STXBP5L: variants seen among roughly 807,000 people sequenced by gnomAD.
The protein encoded by STXBP5L is syntaxin binding protein 5L.
Under a neutral mutation model 144.5 loss-of-function variants are expected in STXBP5L, and 65 were observed. The observed-to-expected ratio is 0.45, with a 90% confidence interval of 0.37 to 0.55. STXBP5L has a LOEUF of 0.55. STXBP5L is among the 20% of genes least tolerant of loss of function. The pLI, the probability that STXBP5L is intolerant of heterozygous loss-of-function variation, is 0.00. For missense variants in STXBP5L, 1,298 were observed against 1,405.5 expected, an observed-to-expected ratio of 0.92 and a Z score of 1.22; for synonymous variants, 505 against 469.6, an observed-to-expected ratio of 1.08 and a Z score of -0.97.
At chr3:120,983,485 C>A (rs1251642776) in intron 3 of STXBP5L, among the ~76,000 whole-genome samples, 3 of 151,734 alleles carry the variant, frequency 2.0e-5, no homozygotes, top group African/African-American at 7.3e-5. Flanking sequence ...GATGGCAGAC[C>A]CAGGGTAACA....
At chr3:121,326,365 C>G (rs996863501) in intron 20 of STXBP5L, among the ~76,000 whole-genome samples, 11 of 151,864 alleles carry the variant, frequency 7.2e-5, no homozygotes, top group African/African-American at 2.7e-4. Flanking sequence ...TTGTTTTTAA[C>G]TTTGTCTCTA....
chr3:121,091,976 T>G (rs2042828004), intron 5 of STXBP5L, among the ~76,000 whole-genome samples: 1 of 152,134 alleles, frequency 6.6e-6, no homozygotes, highest in Admixed American at 6.6e-5. Flanking sequence ...AGGGATCCAG[T>G]TTCAGCTTTC....
chr3:121,409,521 G>A (rs1010322151), intron 23 of STXBP5L, among the ~76,000 whole-genome samples: 1 of 151,870 alleles, frequency 6.6e-6, no homozygotes, highest in Admixed American at 6.6e-5. Flanking sequence ...AGAGGCAGTG[G>A]TATAGATCAG....
At chr3:121,393,085 CAA>C (rs1383701879) in intron 22 of STXBP5L, among the ~76,000 whole-genome samples, 1 of 151,828 alleles carries the variant, frequency 6.6e-6, no homozygotes. Flanking sequence ...GCATCTTTGC[CAA>C]AGTCTATTTT....
intron 3 of STXBP5L, among the ~76,000 whole-genome samples, chr3:121,015,743 A>G (rs952934543): frequency 6.6e-6 from 1 of 152,174 alleles, no homozygotes; most frequent in Non-Finnish European, 1.5e-5. Flanking sequence ...TTTCCTGGAA[A>G]AAAGGCTTTA....
At chr3:121,050,321 A>G (rs937330378) in intron 5 of STXBP5L, among the ~76,000 whole-genome samples, 4 of 152,190 alleles carry the variant, frequency 2.6e-5, no homozygotes, top group Admixed American at 2.6e-4. Flanking sequence ...CTTTAGTCCT[A>G]ATTCTGGTTA....
chr3:121,215,745 G>A (rs1265523815), intron 10 of STXBP5L, among the ~76,000 whole-genome samples: 1 of 152,082 alleles, frequency 6.6e-6, no homozygotes, highest in African/African-American at 2.4e-5. Flanking sequence ...TTGAATGTTG[G>A]CTTGTCTTGC....
chr3:120,967,978 T>C (rs1939799776), intron 3 of STXBP5L, among the ~76,000 whole-genome samples: 1 of 152,238 alleles, frequency 6.6e-6, no homozygotes, highest in South Asian at 2.1e-4. Flanking sequence ...TTTAATAGTT[T>C]TGACTTCTAA....
chr3:121,389,256 T>TG, intron 22 of STXBP5L, among the ~76,000 whole-genome samples: 1 of 152,326 alleles, frequency 6.6e-6, no homozygotes, highest in African/African-American at 2.4e-5. Context: ...TCATTTTTAT[T>TG]GCGTCTACTT....
Position 120,998,529 on chromosome 3 carries a change from C to T in STXBP5L, c.288-43171C>T, listed in dbSNP as rs1307596315. Among the ~76,000 whole-genome samples, 12 of 152,260 alleles carry T rather than the reference C, an allele frequency of 7.9e-5. 1 individual carries two copies. Among genetic ancestry groups the T allele is most frequent in the African/African-American group, 2.6e-4 (11 of 41,546 alleles). On this transcript the variant is annotated intron_variant, in intron 3 of 26. Coordinates refer to ENST00000471454, the MANE Select transcript of STXBP5L (RefSeq NM_001308330.2). ...GTATTTCTCCTAATGCTATCCCTCC[C>T]CTAGCTGACCATTCCCCAACAGGCC...
rs142548651 is a variant in STXBP5L at position 121,359,761 on chromosome 3, G to T, written c.2177-18955G>T. On this transcript the variant is annotated intron_variant, in intron 20 of 26. Transcript: ENST00000471454. ...TGTCAAAAATGAGCTCACCGTAGGTGTGTGGATTTGTTTCTGGATTCTCTA... is the reference window on the plus strand; with the variant it reads ...TGTCAAAAATGAGCTCACCGTAGGTTTGTGGATTTGTTTCTGGATTCTCTA... Among the ~76,000 whole-genome samples, 1,084 of 151,856 alleles carry T rather than the reference G, an allele frequency of 7.1e-3. 11 individuals carry two copies. The highest frequency in any genetic ancestry group is 7.0e-3 in the Non-Finnish European group (476 of 67,940).
intron 7 of STXBP5L, among the ~76,000 whole-genome samples, chr3:121,132,575 G>C (rs775770558): frequency 6.6e-6 from 1 of 152,188 alleles, no homozygotes; most frequent in Non-Finnish European, 1.5e-5. Flanking sequence ...TGCCTGCTTT[G>C]CCTAAAGTGC....
At chr3:121,087,754 G>A (rs894438581) in intron 5 of STXBP5L, among the ~76,000 whole-genome samples, 1 of 151,262 alleles carries the variant, frequency 6.6e-6, no homozygotes, top group African/African-American at 2.4e-5. Flanking sequence ...TTTTCCCCTT[G>A]CCTTTCTGTG....
At chr3:120,913,463 A>G (rs1175453561) in intron 2 of STXBP5L, among the ~76,000 whole-genome samples, 2 of 152,092 alleles carry the variant, frequency 1.3e-5, no homozygotes, top group Admixed American at 6.5e-5. Context: ...GTAAAGATGC[A>G]TATACATGAT....
intron 11 of STXBP5L, among the ~76,000 whole-genome samples, chr3:121,231,176 G>C (rs2049298330): frequency 6.6e-6 from 1 of 152,142 alleles, no homozygotes; most frequent in Non-Finnish European, 1.5e-5. Context: ...ATTTTGGCCA[G>C]CAGTGGGGTC....
At chr3:121,013,029 CT>C (rs34968191) in intron 3 of STXBP5L, among the ~76,000 whole-genome samples, 151,441 of 151,730 alleles carry the variant, frequency 1, 75,576 homozygotes, top group Middle Eastern at 1. Flanking sequence ...CGATTTTATT[CT>C]TTTTTTTTAT....
chr3:120,966,424 A>G (rs931915195), intron 3 of STXBP5L, among the ~76,000 whole-genome samples: 1 of 152,036 alleles, frequency 6.6e-6, no homozygotes, highest in Non-Finnish European at 1.5e-5. Flanking sequence ...GGCTTTATCT[A>G]CCTTTGGTAT....
intron 5 of STXBP5L, among the ~76,000 whole-genome samples, chr3:121,048,778 C>A (rs1363587447): frequency 1.3e-5 from 2 of 151,980 alleles, no homozygotes; most frequent in Non-Finnish European, 2.9e-5. Flanking sequence ...CTCCGCCTCC[C>A]TGGTTTGAGC....
chr3:121,354,260 T>A (rs372734986), intron 20 of STXBP5L, among the ~76,000 whole-genome samples: 1 of 152,212 alleles, frequency 6.6e-6, no homozygotes, highest in East Asian at 1.9e-4. Flanking sequence ...CTCATTGATC[T>A]GCCTAATATT....
Sources: gnomAD v4.1 joint callset for allele counts (sites outside exome capture counted in the v4.1 genomes callset) on GRCh38, gnomAD v4.1.1 for gene constraint, MANE v1.5 for transcripts, NCBI Gene and HGNC (gene_info 2026-07-23, HGNC 2026-07-21) for gene names.